The following CCL4 variants were observed in gnomAD, a reference collection of about 807,000 sequenced individuals.
CCL4 encodes C-C motif chemokine ligand 4.
CCL4 carries 8 observed loss-of-function variants against 10.3 expected under a neutral mutation model. The observed-to-expected ratio is 0.77, with a 90% CI of 0.45 to 1.39. CCL4 has a LOEUF of 1.39. Ranked by LOEUF, CCL4 falls within the 40% of genes most tolerant of loss-of-function variation. CCL4 has a pLI of 0.00. For synonymous variants in CCL4, 35 were observed against 44.3 expected (o/e 0.79, Z 0.83); for missense variants, 106 against 111.2 (o/e 0.95, Z 0.21).
rs2067155858 is a variant in CCL4, at chr17:36,105,570, T to G, written c.*258T>G. 1 of 570,436 alleles carries G rather than the reference T, an allele frequency of 1.8e-6. No homozygotes were observed. The highest frequency in any genetic ancestry group is 1.9e-5 in the African/African-American group (1 of 53,456). 35.3% of individuals were successfully genotyped at this position (570,436 alleles called of 1,614,324 possible). ...CTGTTGCAAATACATGGATAACACA[T>G]TTGATTCTGTGTGTTTTCATAATAA... On this transcript the variant is annotated 3_prime_UTR_variant, in exon 3 of 3. Transcript: ENST00000615863.
rs1247067883 is a variant in CCL4 at position 36,105,519 on chromosome 17, G to A, written c.*207G>A. 3.2e-6 allele frequency: 2 copies of A among 629,170 alleles called. No individual in the cohort carries two copies. Among genetic ancestry groups the A allele is most frequent in the Non-Finnish European group, 5.7e-6 (2 of 349,738 alleles). 39.0% of individuals were successfully genotyped at this position (629,170 alleles called of 1,614,324 possible). On this transcript the variant is annotated 3_prime_UTR_variant, in exon 3 of 3. Transcript: ENST00000615863. The stretch of plus-strand genomic sequence containing the variant: ...CCAAAGGATAAGTGTCCCCTATGGG[G>A]ATGGTCCACTGTCACTGTTTCTCTG...
At chr17:36,104,878 G>A (rs1339215579) in intron 2 of CCL4, 1 of 687,820 alleles carries the variant, frequency 1.5e-6, no homozygotes, top group East Asian at 2.7e-5. Flanking sequence ...AGAGGACAGG[G>A]AAGCAGGGGA....
chr17:36,105,120 C>G, intron 2 of CCL4, 105 bp from the exon 3 acceptor site: 1 of 1,197,148 alleles, frequency 8.4e-7, no homozygotes, highest in Non-Finnish European at 1.3e-6. Context: ...TCCACCAGAG[C>G]TGCCCCACAT....
At chr17:36,104,941 G>A (rs1250008435) in intron 2 of CCL4, 22 of 704,598 alleles carry the variant, frequency 3.1e-5, no homozygotes, top group Middle Eastern at 3.1e-4. Context: ...GTGCTAGAAA[G>A]ACATGTGGAA....
intron 1 of CCL4, 32 bp from the exon 2 acceptor site, chr17:36,104,496 A>G (rs767657648): frequency 1.2e-5 from 19 of 1,605,460 alleles, no homozygotes; most frequent in Non-Finnish European, 1.6e-5. Flanking sequence ...TCCCACGGGC[A>G]GTGTTGATCT....
At chr17:36,104,040 T>C in intron 1 of CCL4, 59 bp downstream of exon 1, 1 of 1,600,232 alleles carries the variant, frequency 6.2e-7, no homozygotes, top group South Asian at 1.1e-5. Flanking sequence ...TCCTTTTTTC[T>C]AGTCATGGCT....
chr17:36,104,641 G>C lies in CCL4; in HGVS notation c.190G>C (p.Val64Leu), dbSNP rs137950182. The change falls in exon 2 of 3, where the codon GTA (valine) becomes CTA (leucine). Residue 64 changes from valine to leucine, a missense_variant and splice_region_variant. Transcript: ENST00000615863. ...CAGCCTCTGCTCCCAGCCAGCTGTG[G>C]TGTGAGTATCAACCCCTGGGCTGCC... ...TSSLCSQPAV[V>L]FQTKRSKQVC... 6.2e-7 allele frequency: 1 copy of C among 1,613,770 alleles called. No individual in the cohort carries two copies. Among genetic ancestry groups the C allele is most frequent in the Non-Finnish European group, 8.5e-7 (1 of 1,179,854 alleles).
rs559526579 is a variant in CCL4, at chr17:36,104,009, C to T, written c.76+28C>T. ...AAGTCTACTTTTGCAGCTGCTATTT[C>T]GAGTCAAGGTGTAGGCAGAGTCCTT... On this transcript the variant is annotated intron_variant, in intron 1 of 2. Transcript: ENST00000615863. 54 of 1,613,648 alleles carry T rather than the reference C, an allele frequency of 3.3e-5. 1 individual carries two copies. The highest frequency in any genetic ancestry group is 4.2e-5 in the Non-Finnish European group (49 of 1,179,620).
At position 36,105,329 on chromosome 17, in the gene CCL4, A is replaced by G. The variant is rs1196931179; in HGVS notation, c.*17A>G. The stretch of plus-strand genomic sequence containing the variant: ...CTGAACTGAGCTGCTCAGAGACAGG[A>G]AGTCTTCAGGGAAGGTCACCTGAGC... On this transcript the variant is annotated 3_prime_UTR_variant, in exon 3 of 3. Coordinates refer to ENST00000615863, the MANE Select transcript of CCL4 (RefSeq NM_002984.4). The G allele has an allele frequency of 1.9e-6, 3 of 1,612,548 alleles. No homozygotes were observed. Among genetic ancestry groups the G allele is most frequent in the Non-Finnish European group, 1.7e-6 (2 of 1,178,622 alleles).
At chr17:36,105,044 C>T in intron 2 of CCL4, 181 bp from the exon 3 acceptor site, 1 of 768,802 alleles carries the variant, frequency 1.3e-6, no homozygotes, top group Non-Finnish European at 2.3e-6. Flanking sequence ...CTGGGGCCCA[C>T]AGCTAAATCC....
chr17:36,104,999 T>C, intron 2 of CCL4: 4 of 717,732 alleles, frequency 5.6e-6, no homozygotes, highest in South Asian at 4.4e-5. Flanking sequence ...TTCATATTGA[T>C]TGCAATGCCC....
intron 2 of CCL4, 130 bp from the exon 3 acceptor site, chr17:36,105,095 C>A (rs570890846): frequency 9.0e-6 from 9 of 1,003,194 alleles, no homozygotes; most frequent in Non-Finnish European, 1.4e-5. Flanking sequence ...CAGTGCTGCT[C>A]CAGGAAGGAT....
At chr17:36,105,094 T>C (rs1350145650) in intron 2 of CCL4, 131 bp from the exon 3 acceptor site, 1 of 995,304 alleles carries the variant, frequency 1.0e-6, no homozygotes, top group Non-Finnish European at 1.6e-6. Flanking sequence ...CCAGTGCTGC[T>C]CCAGGAAGGA....
Position 36,104,612 on chromosome 17 carries a change from C to G in CCL4, c.161C>G (p.Thr54Ser). ...AACTTTGTGGTAGATTACTATGAGA[C>G]CAGCAGCCTCTGCTCCCAGCCAGCT... ...PRNFVVDYYE[T>S]SSLCSQPAVV... The change falls in exon 2 of 3, where the codon ACC (threonine) becomes AGC (serine). Residue 54 changes from threonine (T) to serine (S), a missense_variant. Thr to Ser is a moderately conservative substitution (Grantham distance 58). Coordinates refer to ENST00000615863, the MANE Select transcript of CCL4 (RefSeq NM_002984.4). The G allele has an allele frequency of 1.2e-6, 2 of 1,613,732 alleles. No homozygotes were observed. Among genetic ancestry groups the G allele is most frequent in the Non-Finnish European group, 1.7e-6 (2 of 1,179,854 alleles).
In CCL4 at chr17:36,104,637, T is replaced by C; in HGVS notation, c.186T>C (p.Ala62=). 2 of 1,613,752 alleles carry C rather than the reference T, an allele frequency of 1.2e-6. No individual in the cohort carries two copies. The highest frequency in any genetic ancestry group is 1.3e-5 in the African/African-American group (1 of 74,974). Residue 62 remains alanine, a synonymous_variant, in exon 2 of 3, where the codon GCT becomes GCC. Coordinates refer to ENST00000615863, the MANE Select transcript of CCL4 (RefSeq NM_002984.4). ...CCAGCAGCCTCTGCTCCCAGCCAGC[T>C]GTGGTGTGAGTATCAACCCCTGGGC... The part of the protein sequence containing the change: ...YETSSLCSQP[A]VVFQTKRSKQ...
intron 1 of CCL4, 138 bp from the exon 2 acceptor site, chr17:36,104,390 T>C (rs1474527233): frequency 1.0e-6 from 1 of 993,026 alleles, no homozygotes; most frequent in African/African-American, 1.6e-5. Context: ...AAAATAAGAC[T>C]CCTGCTCATG....
At chr17:36,104,988 A>G (rs2067149152) in intron 2 of CCL4, 1 of 713,570 alleles carries the variant, frequency 1.4e-6, no homozygotes, top group East Asian at 2.7e-5. Context: ...GGGGAGATCT[A>G]TTCATATTGA....
intron 2 of CCL4, 23 bp from the exon 3 acceptor site, chr17:36,105,202 T>A: frequency 6.2e-7 from 1 of 1,606,188 alleles, no homozygotes; most frequent in South Asian, 1.1e-5. Flanking sequence ...GAGATTCTAA[T>A]CTGTCCGCTC....
intron 1 of CCL4, 37 bp downstream of exon 1, chr17:36,104,018 G>T: frequency 8.7e-6 from 14 of 1,613,136 alleles, no homozygotes; most frequent in Non-Finnish European, 1.2e-5. Context: ...TCGAGTCAAG[G>T]TGTAGGCAGA....
Sources: gnomAD v4.1 joint callset for allele counts on GRCh38, gnomAD v4.1.1 for gene constraint, MANE v1.5 for transcripts, NCBI Gene and HGNC (gene_info 2026-07-23, HGNC 2026-07-21) for gene names.